ULK4: variants seen among roughly 807,000 people sequenced by gnomAD.
ULK4 encodes inactive serine/threonine-protein kinase ULK4.
ULK4 carries 133 observed loss-of-function variants against 160.6 expected under a neutral mutation model. That is an observed-to-expected ratio of 0.83 (90% confidence interval 0.72 to 0.96). The LOEUF (loss-of-function observed/expected upper bound fraction) is 0.96. Among genes scored for constraint, ULK4 ranks in the 40% least tolerant of loss-of-function variants. ULK4 has a pLI of 0.00. For missense variants in ULK4, 1,580 were observed against 1,499.5 expected, an observed-to-expected ratio of 1.05 and a Z score of -0.89; for synonymous variants, 534 against 539.8, an observed-to-expected ratio of 0.99 and a Z score of 0.15.
intron 33 of ULK4, among the ~76,000 whole-genome samples, chr3:41,455,913 CT>C (rs199537973): frequency 2.0e-5 from 3 of 151,888 alleles, no homozygotes; most frequent in Non-Finnish European, 2.9e-5. Context: ...AGCGCTTAAT[CT>C]TTTTTTTCTT....
At chr3:41,893,713 G>A (rs1407073803) in intron 16 of ULK4, among the ~76,000 whole-genome samples, 2 of 151,996 alleles carry the variant, frequency 1.3e-5, no homozygotes, top group Non-Finnish European at 2.9e-5. Flanking sequence ...TAAGTATTAT[G>A]TATTTTATTT....
At chr3:41,874,328 A>G (rs917342550) in intron 17 of ULK4, among the ~76,000 whole-genome samples, 1 of 152,224 alleles carries the variant, frequency 6.6e-6, no homozygotes, top group African/African-American at 2.4e-5. Context: ...GAGTTTCCAA[A>G]AGCACACAAT....
chr3:41,804,012 G>A (rs968082018), intron 19 of ULK4, among the ~76,000 whole-genome samples: 1 of 152,102 alleles, frequency 6.6e-6, no homozygotes, highest in Non-Finnish European at 1.5e-5. Context: ...GTAATGGGAT[G>A]GCTGGGTCAA....
intron 17 of ULK4, among the ~76,000 whole-genome samples, chr3:41,850,211 T>C (rs916742994): frequency 1.5e-4 from 23 of 152,226 alleles, no homozygotes; most frequent in African/African-American, 4.8e-4. Context: ...CAGTCTATCA[T>C]TGTGGGACAT....
intron 30 of ULK4, among the ~76,000 whole-genome samples, chr3:41,642,694 G>A (rs1157880866): frequency 6.6e-6 from 1 of 152,058 alleles, no homozygotes; most frequent in African/African-American, 2.4e-5. Flanking sequence ...TAGTCCTTTG[G>A]GTATATACCC....
chr3:41,602,866 A>G (rs1315591094), intron 31 of ULK4, among the ~76,000 whole-genome samples: 1 of 152,146 alleles, frequency 6.6e-6, no homozygotes, highest in Non-Finnish European at 1.5e-5. Context: ...CAAAAACGCT[A>G]CAGACAAATA....
chr3:41,596,205 G>A (rs1388080400), intron 31 of ULK4, among the ~76,000 whole-genome samples: 3 of 152,210 alleles, frequency 2.0e-5, no homozygotes, highest in African/African-American at 4.8e-5. Context: ...GCTTAAGGCA[G>A]CTGCACATTG....
At chr3:41,614,214 C>T (rs1216869985) in intron 31 of ULK4, among the ~76,000 whole-genome samples, 1 of 152,160 alleles carries the variant, frequency 6.6e-6, no homozygotes, top group Non-Finnish European at 1.5e-5. Flanking sequence ...GCCCTCCTTG[C>T]CACAGCAAAA....
chr3:41,591,641 A>G (rs941373234), intron 31 of ULK4, among the ~76,000 whole-genome samples: 8 of 152,236 alleles, frequency 5.3e-5, no homozygotes, highest in African/African-American at 1.4e-4. Flanking sequence ...GGCAGTTAAT[A>G]TGAGTAAATA....
intron 35 of ULK4, among the ~76,000 whole-genome samples, chr3:41,301,778 T>C (rs988050236): frequency 1.3e-5 from 2 of 152,220 alleles, no homozygotes; most frequent in Admixed American, 1.3e-4. Context: ...ACAATCAAGG[T>C]ATTTAAGAAA....
chr3:41,426,744 A>G (rs1478323837), intron 34 of ULK4, among the ~76,000 whole-genome samples: 1 of 152,324 alleles, frequency 6.6e-6, no homozygotes, highest in East Asian at 1.9e-4. Flanking sequence ...ATGCATCAGA[A>G]TCTCTGGGAG....
intron 22 of ULK4, among the ~76,000 whole-genome samples, chr3:41,736,699 A>G (rs560642651): frequency 3.3e-5 from 5 of 151,184 alleles, no homozygotes; most frequent in South Asian, 4.2e-4. Flanking sequence ...TAGTTTAATT[A>G]GATCCCATTT....
At chr3:41,714,345 TA>T (rs1488959779) in intron 25 of ULK4, among the ~76,000 whole-genome samples, 1 of 152,182 alleles carries the variant, frequency 6.6e-6, no homozygotes, top group Non-Finnish European at 1.5e-5. Context: ...TAGAAAACCA[TA>T]TCCTCACTTG....
At chr3:41,854,696 C>A (rs1253637512) in intron 17 of ULK4, among the ~76,000 whole-genome samples, 1 of 152,112 alleles carries the variant, frequency 6.6e-6, no homozygotes, top group South Asian at 2.1e-4. Context: ...AGACCTAGAG[C>A]TCCCCAAGTA....
intron 32 of ULK4, among the ~76,000 whole-genome samples, chr3:41,464,587 G>T (rs1360073460): frequency 6.6e-6 from 1 of 152,144 alleles, no homozygotes; most frequent in Non-Finnish European, 1.5e-5. Flanking sequence ...GAGTTACAAT[G>T]CATCACCCAT....
intron 17 of ULK4, among the ~76,000 whole-genome samples, chr3:41,857,123 T>C (rs1181272770): frequency 6.6e-6 from 1 of 152,116 alleles, no homozygotes; most frequent in Non-Finnish European, 1.5e-5. Context: ...CTCAGCTATC[T>C]TCTGGAGAAC....
Position 41,363,204 on chromosome 3 carries a change from CA to C in ULK4, c.3678+34874del, listed in dbSNP as rs1283085891. Among the ~76,000 whole-genome samples, 14 of 152,330 alleles carry C rather than the reference CA, an allele frequency of 9.2e-5. No individual in the cohort carries two copies. The East Asian group carries it at 2.5e-3, about 27-fold the overall frequency. On this transcript the variant is annotated intron_variant, in intron 35 of 36. Transcript: ENST00000301831. ...CCCGGGGGGCACATAGAGATGCCCA[CA>C]GTAATTGGCAATGGTCCTCTGGTCC...
In ULK4 at chr3:41,911,282, T is replaced by G. The variant is rs191171058; in HGVS notation, c.1085+35A>C. ...ATGCTTTAAGAAAATTTAACTTTTG[T>G]CTTGCACTGATCCCTCTTTTTTCAT... On this transcript the variant is annotated intron_variant, in intron 11 of 36. Transcript: ENST00000301831. 2.7e-3 allele frequency: 4,277 copies of G among 1,602,910 alleles called. 17 individuals carry two copies. The highest frequency in any genetic ancestry group is 7.0e-3 in the South Asian group (628 of 89,686).
intron 17 of ULK4, among the ~76,000 whole-genome samples, chr3:41,840,457 C>G (rs935827895): frequency 2.6e-5 from 4 of 152,226 alleles, no homozygotes; most frequent in Admixed American, 1.3e-4. Flanking sequence ...CTCGCTGCAG[C>G]CTCCCTGCCC....
Sources: allele counts gnomAD v4.1 joint callset (sites outside exome capture counted in the v4.1 genomes callset), GRCh38; gene constraint gnomAD v4.1.1; transcripts MANE v1.5; gene names NCBI Gene and HGNC (gene_info 2026-07-23, HGNC 2026-07-21).